SEMA3D: variants seen among roughly 807,000 people sequenced by gnomAD.
The protein encoded by SEMA3D is semaphorin 3D, also known as semaphorin-3D.
Under a neutral mutation model 100.1 loss-of-function variants are expected in SEMA3D, and 84 were observed. The ratio of observed to expected loss-of-function variants is 0.84; its 90% CI spans 0.70 to 1.01. The LOEUF (loss-of-function observed/expected upper bound fraction) is 1.01, where lower values mean the gene tolerates loss of function less well. SEMA3D is among the 50% of genes least tolerant of loss of function. SEMA3D has a pLI of 0.00. For synonymous variants in SEMA3D, 312 were observed against 320.7 expected, an observed-to-expected ratio of 0.97 and a Z score of 0.29; for missense variants, 875 against 934.1, an observed-to-expected ratio of 0.94 and a Z score of 0.82.
the SEMA3D span, among the ~76,000 whole-genome samples, chr7:85,199,541 C>T: frequency 2.6e-5 from 4 of 152,088 alleles, no homozygotes; most frequent in African/African-American, 9.7e-5. Context: ...TGTCTGTTAT[C>T]AGAAATCCAA....
the SEMA3D span, among the ~76,000 whole-genome samples, chr7:85,223,281 T>C: frequency 6.6e-6 from 1 of 152,102 alleles, no homozygotes; most frequent in Non-Finnish European, 1.5e-5. Context: ...GTGAATGTAA[T>C]TGCAGTTTTG....
At chr7:85,038,194 TAATAAA>T (rs1292386634) in intron 11 of SEMA3D, among the ~76,000 whole-genome samples, 2 of 152,070 alleles carry the variant, frequency 1.3e-5, no homozygotes, top group Admixed American at 1.3e-4. Flanking sequence ...ACTTAAAGTA[TAATAAA>T]AATAATAATA....
At chr7:85,126,759 C>T (rs779883706) in intron 2 of SEMA3D, among the ~76,000 whole-genome samples, 1 of 151,880 alleles carries the variant, frequency 6.6e-6, no homozygotes, top group Non-Finnish European at 1.5e-5. Context: ...GAAAAAAACT[C>T]GAAAGCCAAA....
At position 85,038,215 on chromosome 7, in the gene SEMA3D, T is replaced by C. The variant is rs910231275; in HGVS notation, c.1047-1182A>G. On this transcript the variant is annotated intron_variant, in intron 11 of 18. Transcript: ENST00000284136. ...AGTATAATAAAAATAATAATAATAA[T>C]AACTTAGCATTAACAAATAAGCTAA... Among the ~76,000 whole-genome samples, 9 of 152,100 alleles carry C rather than the reference T, an allele frequency of 5.9e-5. No homozygotes were observed. The South Asian group carries it at 6.2e-4, about 10-fold the overall frequency.
chr7:85,099,012 C>T (rs1788660756), intron 3 of SEMA3D, among the ~76,000 whole-genome samples: 1 of 151,946 alleles, frequency 6.6e-6, no homozygotes, highest in Admixed American at 6.6e-5. Context: ...ATAGCTCATC[C>T]TTTATTAGTG....
At chr7:85,208,405 C>G in the SEMA3D span, among the ~76,000 whole-genome samples, 1 of 151,866 alleles carries the variant, frequency 6.6e-6, no homozygotes, top group Non-Finnish European at 1.5e-5. Context: ...AATTAGTGCA[C>G]CATAATGCCA....
chr7:85,220,728 TAAAG>T, the SEMA3D span, among the ~76,000 whole-genome samples: 1 of 152,126 alleles, frequency 6.6e-6, no homozygotes, highest in Non-Finnish European at 1.5e-5. Flanking sequence ...TCTTGCCTGA[TAAAG>T]AAACAGTGCT....
the SEMA3D span, among the ~76,000 whole-genome samples, chr7:85,223,972 G>T: frequency 2.0e-5 from 3 of 151,772 alleles, no homozygotes; most frequent in Admixed American, 1.3e-4. Context: ...GGCAGGCAAA[G>T]GCAGACAGAC....
chr7:85,226,009 C>T, the SEMA3D span, among the ~76,000 whole-genome samples: 1 of 152,154 alleles, frequency 6.6e-6, no homozygotes, highest in Non-Finnish European at 1.5e-5. Flanking sequence ...ACACTTATGA[C>T]TTCTCTTTCA....
At position 84,999,182 on chromosome 7, in the gene SEMA3D, A is replaced by G. The variant is rs918877121; in HGVS notation, c.*258T>C. 2 of 468,500 alleles carry G rather than the reference A, an allele frequency of 4.3e-6. No individual in the cohort carries two copies. Among genetic ancestry groups the G allele is most frequent in the African/African-American group, 3.9e-5 (2 of 51,334 alleles). The allele number at this position is 468,500 out of a possible 1,614,324, so 29.0% of individuals were successfully genotyped here. A position where few individuals can be genotyped will look rare whatever the true frequency, so the allele number is the denominator to read the frequency against. Reference sequence around the variant, plus strand: ...AATAAATTCCAAAACTCAAAACATAAAACATTTACAACTGTAAACCCCCTA... The same window carrying G: ...AATAAATTCCAAAACTCAAAACATAGAACATTTACAACTGTAAACCCCCTA... On this transcript the variant is annotated 3_prime_UTR_variant, in exon 19 of 19. Transcript: ENST00000284136.
chr7:85,210,770 A>G, the SEMA3D span, among the ~76,000 whole-genome samples: 2 of 152,048 alleles, frequency 1.3e-5, no homozygotes, highest in South Asian at 4.1e-4. Context: ...TATCCCAATT[A>G]TTATTGTCTA....
intron 2 of SEMA3D, among the ~76,000 whole-genome samples, chr7:85,145,539 T>G (rs1453255816): frequency 6.6e-6 from 1 of 151,906 alleles, no homozygotes; most frequent in Non-Finnish European, 1.5e-5. Context: ...AACTCATAGA[T>G]AAGAACTCCC....
rs968719811 is a variant in SEMA3D, at chr7:85,132,131, T to A, written c.-40-10200A>T. Among the ~76,000 whole-genome samples the A allele has an allele frequency of 1.3e-4, 20 of 152,100 alleles. No homozygotes were observed. In the East Asian group the frequency reaches 3.9e-3, roughly 29 times the overall value. On this transcript the variant is annotated intron_variant, in intron 2 of 18. Transcript: ENST00000284136. ...ATTTTTACTTACATTAAAATTGTCA[T>A]GTTTTTACCAAGTATATTTAGACAT...
At chr7:85,156,599 A>G (rs1790604611) in intron 1 of SEMA3D, among the ~76,000 whole-genome samples, 1 of 152,162 alleles carries the variant, frequency 6.6e-6, no homozygotes, top group Admixed American at 6.5e-5. Flanking sequence ...AAATTTTAAG[A>G]ATTTATCCTA....
chr7:85,024,709 A>G (rs1410883582), intron 12 of SEMA3D, among the ~76,000 whole-genome samples: 2 of 152,012 alleles, frequency 1.3e-5, no homozygotes, highest in Admixed American at 1.3e-4. Flanking sequence ...CTCAATTGCT[A>G]TGCATGATAT....
At chr7:85,069,556 T>TTAA (rs1349299288) in intron 6 of SEMA3D, among the ~76,000 whole-genome samples, 1 of 152,182 alleles carries the variant, frequency 6.6e-6, no homozygotes, top group African/African-American at 2.4e-5. Context: ...ACTGACTGAA[T>TTAA]TAATGGTGCT....
rs755928473 is a variant in SEMA3D at position 85,015,019 on chromosome 7, T to A, written c.1703+40A>T. On this transcript the variant is annotated intron_variant, in intron 16 of 18. Coordinates refer to ENST00000284136, the MANE Select transcript of SEMA3D (RefSeq NM_001384900.1). ...GCATTAATGTGAGATATTCAGCTTG[T>A]AGAAAGGAAGCCTTTATATTAACTC... The A allele has an allele frequency of 1.3e-5, 19 of 1,516,868 alleles. No individual in the cohort carries two copies. In the South Asian group the frequency reaches 1.9e-4, roughly 15 times the overall value. 94.0% of individuals were successfully genotyped at this position (1,516,868 alleles called of 1,614,324 possible).
At chr7:85,140,337 T>C (rs11496058) in intron 2 of SEMA3D, 133,300 of 980,754 alleles carry the variant, frequency 0.14, 9,859 homozygotes, top group Middle Eastern at 0.16. Flanking sequence ...TTAGAAATCA[T>C]ATAAGTTAAG....
At chr7:85,121,109 C>T (rs895382209) in intron 3 of SEMA3D, among the ~76,000 whole-genome samples, 16 of 152,132 alleles carry the variant, frequency 1.1e-4, no homozygotes, top group South Asian at 4.1e-4. Context: ...TAATGAAGCC[C>T]GGAGTACATC....
Sources: gnomAD v4.1 joint callset for allele counts (sites outside exome capture counted in the v4.1 genomes callset) on GRCh38, gnomAD v4.1.1 for gene constraint, MANE v1.5 for transcripts, NCBI Gene and HGNC (gene_info 2026-07-23, HGNC 2026-07-21) for gene names.